The following BLK variants were observed in gnomAD, a reference collection of about 807,000 sequenced individuals.
BLK encodes the protein BLK proto-oncogene, Src family tyrosine kinase.
In BLK, 64 loss-of-function variants were observed where a neutral mutation model predicts 61.8. That is an observed-to-expected ratio of 1.03 (90% CI 0.85 to 1.27). BLK has a LOEUF of 1.27. BLK is among the 50% of genes most tolerant of loss of function. BLK has a pLI of 0.00. For synonymous variants in BLK, 351 were observed against 272.0 expected (o/e 1.29, Z -2.86); for missense variants, 853 against 660.5 (o/e 1.29, Z -3.19).
chr8:11,523,286 G>A (rs772692390), intron 1 of BLK, among the ~76,000 whole-genome samples: 2 of 152,198 alleles, frequency 1.3e-5, no homozygotes, highest in Non-Finnish European at 2.9e-5. Context: ...GGGCATGGTG[G>A]CTCACACCTG....
At position 11,518,923 on chromosome 8, in the gene BLK, G is replaced by C. The variant is rs75587239; in HGVS notation, c.-1-24301G>C. Among the ~76,000 whole-genome samples the C allele has an allele frequency of 3.9e-3, 598 of 152,218 alleles. 4 individuals are homozygous for C. Among genetic ancestry groups the C allele is most frequent in the African/African-American group, 0.013 (550 of 41,526 alleles). ...CCTCTCCTTGCCACTGAAGACTCCAGCATACGTCGCACTTTCTGGGAGAGG... is the reference window on the plus strand; with the variant it reads ...CCTCTCCTTGCCACTGAAGACTCCACCATACGTCGCACTTTCTGGGAGAGG... On this transcript the variant is annotated intron_variant, in intron 1 of 12. Transcript: ENST00000259089.
chr8:11,559,453 A>C (rs906198396), intron 10 of BLK, among the ~76,000 whole-genome samples: 1 of 151,906 alleles, frequency 6.6e-6, no homozygotes, highest in African/African-American at 2.4e-5. Flanking sequence ...ACACAAATAC[A>C]CAGACTCAGA....
intron 1 of BLK, among the ~76,000 whole-genome samples, chr8:11,527,880 T>A (rs2252407): frequency 1.3e-5 from 2 of 152,074 alleles, no homozygotes; most frequent in African/African-American, 2.4e-5. Flanking sequence ...TCTGGCCACA[T>A]GACTCCTGAG....
At chr8:11,543,470 T>C in intron 2 of BLK, 123 bp downstream of exon 2, 1 of 1,351,060 alleles carries the variant, frequency 7.4e-7, no homozygotes, top group Non-Finnish European at 1.0e-6. Flanking sequence ...ATCTGCAATG[T>C]ATAAGCAGGT....
chr8:11,540,424 A>G (rs1001698576), intron 1 of BLK, among the ~76,000 whole-genome samples: 4 of 152,086 alleles, frequency 2.6e-5, no homozygotes, highest in African/African-American at 9.7e-5. Context: ...TGCGGTTTTG[A>G]TTACAATCTT....
intron 1 of BLK, among the ~76,000 whole-genome samples, chr8:11,541,749 C>T (rs769098262): frequency 3.3e-5 from 5 of 152,134 alleles, no homozygotes; most frequent in South Asian, 2.1e-4. Flanking sequence ...CTGCCCGCCT[C>T]GGCCTTCCAA....
chr8:11,517,992 G>C (rs1799294926), intron 1 of BLK, among the ~76,000 whole-genome samples: 1 of 152,220 alleles, frequency 6.6e-6, no homozygotes, highest in South Asian at 2.1e-4. Context: ...AGCAAGATGT[G>C]AGCTGGCTTT....
intron 1 of BLK, among the ~76,000 whole-genome samples, chr8:11,533,632 G>T (rs1305042206): frequency 7.5e-6 from 1 of 133,770 alleles, no homozygotes; most frequent in African/African-American, 2.6e-5. Context: ...TAGGAGGAGG[G>T]GGAAGGGGAG....
intron 1 of BLK, among the ~76,000 whole-genome samples, chr8:11,537,258 T>C (rs185315491): frequency 6.6e-6 from 1 of 152,166 alleles, no homozygotes; most frequent in Admixed American, 6.5e-5. Flanking sequence ...GCATTGGTGG[T>C]TTGTACTGGG....
intron 5 of BLK, 171 bp from the exon 6 acceptor site, chr8:11,549,988 C>A: frequency 2.9e-6 from 2 of 681,850 alleles, no homozygotes. Flanking sequence ...GGCAGCGGGG[C>A]AGAGGGCACT....
chr8:11,553,531 G>C (rs1801019580), intron 6 of BLK: 1 of 290,692 alleles, frequency 3.4e-6, no homozygotes, highest in African/African-American at 2.2e-5. Context: ...TCACTGCGTG[G>C]AGAGCGGGCT....
At chr8:11,535,261 G>A (rs6991817) in intron 1 of BLK, among the ~76,000 whole-genome samples, 3 of 110,452 alleles carry the variant, frequency 2.7e-5, no homozygotes, top group African/African-American at 1.1e-4. Flanking sequence ...AAGAAAGAAA[G>A]AAGAAAGAAA....
intron 10 of BLK, chr8:11,560,460 G>A: frequency 4.1e-6 from 1 of 241,058 alleles, no homozygotes; most frequent in Non-Finnish European, 8.2e-6. Context: ...GCAAGCATAA[G>A]GAGAAGTGGA....
intron 5 of BLK, 146 bp from the exon 6 acceptor site, chr8:11,550,013 G>A: frequency 2.7e-6 from 2 of 735,300 alleles, no homozygotes; most frequent in Middle Eastern, 3.4e-4. Context: ...CCATCACGGT[G>A]TGAGGAGCAG....
chr8:11,533,235 CTTTTCTTTTCT>C (rs1463930757), intron 1 of BLK, among the ~76,000 whole-genome samples: 1 of 152,152 alleles, frequency 6.6e-6, no homozygotes, highest in Non-Finnish European at 1.5e-5. Context: ...GGCCTGAGAC[CTTTTCTTTTCT>C]TTTTCTTTCT....
In BLK at chr8:11,554,865, C is replaced by T; in HGVS notation, c.595C>T (p.Gln199Ter). The T allele has an allele frequency of 6.2e-7, 1 of 1,613,718 alleles. No individual in the cohort carries two copies. Among genetic ancestry groups the T allele is most frequent in the Non-Finnish European group, 8.5e-7 (1 of 1,179,950 alleles). ...CCCCCGGATCACCTTCCCCTCGCTC[C>T]AGGCCCTGGTGCAGCACTATTCTAG... ...ISPRITFPSLQALVQHYSKKG... is the reference protein window; with the variant it reads ...ISPRITFPSL Residue 199 changes from glutamine to a stop codon, truncating the protein, a stop_gained, in exon 7 of 13, where the codon CAG becomes TAG. Coordinates refer to ENST00000259089, the MANE Select transcript of BLK (RefSeq NM_001715.3). LOFTEE classifies it high-confidence loss of function.
intron 1 of BLK, among the ~76,000 whole-genome samples, chr8:11,519,213 A>G (rs1799344672): frequency 6.6e-6 from 1 of 152,192 alleles, no homozygotes; most frequent in African/African-American, 2.4e-5. Flanking sequence ...CCTCAAAGGA[A>G]GGAATCAGAC....
chr8:11,540,360 A>G (rs1349866953), intron 1 of BLK, among the ~76,000 whole-genome samples: 11 of 152,128 alleles, frequency 7.2e-5, no homozygotes, highest in Admixed American at 5.9e-4. Flanking sequence ...ATCTGTTTGT[A>G]TGTTTTTTAT....
chr8:11,531,685 C>T (rs1039179416), intron 1 of BLK, among the ~76,000 whole-genome samples: 6 of 152,092 alleles, frequency 3.9e-5, no homozygotes, highest in South Asian at 4.2e-4. Context: ...AGCCCAGTTA[C>T]GTGTCTTCTG....
Sources: allele counts gnomAD v4.1 joint callset (sites outside exome capture counted in the v4.1 genomes callset), GRCh38; gene constraint gnomAD v4.1.1; transcripts MANE v1.5; gene names NCBI Gene and HGNC (gene_info 2026-07-23, HGNC 2026-07-21).